Variants in COL4A3 observed in about 807,000 individuals in gnomAD.
The protein encoded by COL4A3 is collagen alpha-3(IV) chain.
COL4A3 carries 135 observed loss-of-function variants against 217.4 expected under a neutral mutation model. The observed-to-expected ratio is 0.62, with a 90% CI of 0.54 to 0.72. The LOEUF is 0.72. Ranked by LOEUF, COL4A3 falls within the 30% of genes least tolerant of loss-of-function variation. The probability of loss-of-function intolerance (pLI) is 0.00; values close to 1 mark genes in which losing one functional copy is unlikely to be tolerated. For missense variants in COL4A3, 1,868 were observed against 2,119.9 expected, an observed-to-expected ratio of 0.88 and a Z score of 2.33; for synonymous variants, 690 against 736.3, an observed-to-expected ratio of 0.94 and a Z score of 1.02.
At chr2:227,270,686 A>C (rs1361217105) in intron 24 of COL4A3, 84 bp from the exon 25 acceptor site, 2 of 1,349,358 alleles carry the variant, frequency 1.5e-6, no homozygotes, top group African/African-American at 2.9e-5. Flanking sequence ...AAAATTGAAA[A>C]GTTCTTGTCC....
At chr2:227,175,572 T>C (rs1350256929) in intron 1 of COL4A3, among the ~76,000 whole-genome samples, 1 of 152,162 alleles carries the variant, frequency 6.6e-6, no homozygotes, top group East Asian at 1.9e-4. Context: ...CAAAGGGAAT[T>C]CCTGGCCCTG....
At chr2:227,256,637 G>A in intron 17 of COL4A3, 1 of 690,558 alleles carries the variant, frequency 1.4e-6, no homozygotes, top group Non-Finnish European at 2.7e-6. Flanking sequence ...CTTAGGACCA[G>A]TGAGAGTGCA....
Position 227,290,101 on chromosome 2 carries a change from G to T in COL4A3, c.3070+13G>T. 1.9e-6 allele frequency: 3 copies of T among 1,611,378 alleles called. No homozygotes were observed. Among genetic ancestry groups the T allele is most frequent in the Non-Finnish European group, 2.5e-6 (3 of 1,177,518 alleles). On this transcript the variant is annotated intron_variant, in intron 36 of 51. Coordinates refer to ENST00000396578, the MANE Select transcript of COL4A3 (RefSeq NM_000091.5). ...ATGGGCATGCCAGGTAATGCATAAG[G>T]TCCTGTTATGAGCCCACAAGCTCAT...
chr2:227,203,970 T>A (rs1031646528), intron 1 of COL4A3, among the ~76,000 whole-genome samples: 1 of 152,058 alleles, frequency 6.6e-6, no homozygotes, highest in Non-Finnish European at 1.5e-5. Flanking sequence ...TACCAGGGCT[T>A]AATAAATATT....
intron 37 of COL4A3, 44 bp from the exon 38 acceptor site, chr2:227,293,147 T>G (rs2072851935): frequency 6.2e-7 from 1 of 1,612,530 alleles, no homozygotes; most frequent in Non-Finnish European, 8.5e-7. Context: ...TTACCACATA[T>G]CCTGCTTATA....
Position 227,254,191 on chromosome 2 carries a change from T to C in COL4A3, c.828+17T>C, listed in dbSNP as rs759818668. The C allele has an allele frequency of 1.2e-6, 2 of 1,607,926 alleles. No homozygotes were observed. The highest frequency in any genetic ancestry group is 1.7e-6 in the Non-Finnish European group (2 of 1,174,728). On this transcript the variant is annotated intron_variant, in intron 14 of 51. Coordinates refer to ENST00000396578, the MANE Select transcript of COL4A3 (RefSeq NM_000091.5). ...GGACCCTCAGTAGGTTATTTAAAGT[T>C]ATATTGTCCCCATAACACATAAAGT... is the stretch of plus-strand genomic sequence containing the variant.
Position 227,273,073 on chromosome 2 carries a change from G to A in COL4A3, c.1883G>A (p.Gly628Asp), listed in dbSNP as rs2125996545. 2 of 1,614,048 alleles carry A rather than the reference G, an allele frequency of 1.2e-6. No individual in the cohort carries two copies. Among genetic ancestry groups the A allele is most frequent in the East Asian group, 2.2e-5 (1 of 44,858 alleles). The change falls in exon 26 of 52, where the codon GGC becomes GAC. Residue 628 changes from glycine to aspartate, a missense_variant. Physicochemically the swap from Gly to Asp is moderately conservative, Grantham distance 94. Coordinates refer to ENST00000396578, the MANE Select transcript of COL4A3 (RefSeq NM_000091.5). ...YGPQGEPGLQ[G>D]TQGVPGAPGP... is the part of the protein sequence containing the mutation. ...CCCCAAGGAGAACCTGGTCTCCAGGGCACGCAAGGAGTTCCTGGAGCCCCC... is the reference window on the plus strand; with the variant it reads ...CCCCAAGGAGAACCTGGTCTCCAGGACACGCAAGGAGTTCCTGGAGCCCCC...
intron 2 of COL4A3, among the ~76,000 whole-genome samples, chr2:227,239,452 G>A (rs932064227): frequency 6.6e-6 from 1 of 152,132 alleles, no homozygotes; most frequent in Non-Finnish European, 1.5e-5. Flanking sequence ...AGGGACAAAC[G>A]TAATTCCAAG....
At chr2:227,223,567 C>A (rs942772465) in intron 1 of COL4A3, among the ~76,000 whole-genome samples, 7 of 96,660 alleles carry the variant, frequency 7.2e-5, no homozygotes, top group African/African-American at 1.9e-4. Flanking sequence ...GACGCCCCCC[C>A]AACTCTACTA....
rs547566303 is a variant in COL4A3 at position 227,226,034 on chromosome 2, G to A, written c.88-11934G>A. On this transcript the variant is annotated intron_variant, in intron 1 of 51. Transcript: ENST00000396578. The stretch of plus-strand genomic sequence containing the variant: ...GCCAGGAACATATTTTATTCTGTGG[G>A]CATTTTACTTGCTTTATGGTATCTT... Among the ~76,000 whole-genome samples, 10 of 152,158 alleles carry A rather than the reference G, an allele frequency of 6.6e-5. No individual in the cohort carries two copies. In the East Asian group the frequency reaches 1.5e-3, roughly 24 times the overall value.
chr2:227,240,035 A>T (rs1574657902), intron 2 of COL4A3, 108 bp from the exon 3 acceptor site: 1 of 1,015,892 alleles, frequency 9.8e-7, no homozygotes, highest in African/African-American at 1.6e-5. Context: ...AAAAACATGC[A>T]AAGAGTCACC....
intron 6 of COL4A3, 162 bp downstream of exon 6, chr2:227,246,178 T>A (rs2069327718): frequency 1.3e-5 from 9 of 685,446 alleles, no homozygotes. Context: ...TTTTCTTTCT[T>A]CGCATTCCTT....
At chr2:227,256,129 A>C in intron 16 of COL4A3, 59 bp downstream of exon 16, 4 of 1,520,132 alleles carry the variant, frequency 2.6e-6, no homozygotes, top group Non-Finnish European at 3.7e-6. Context: ...TAGCTGAAGA[A>C]GGATTTTTTA....
chr2:227,240,391 G>A (rs145523403), intron 3 of COL4A3, among the ~76,000 whole-genome samples, 159 bp downstream of exon 3: 132 of 152,268 alleles, frequency 8.7e-4, no homozygotes, highest in African/African-American at 2.9e-3. Context: ...ACATAGAACC[G>A]CAACCTGCTC....
intron 1 of COL4A3, among the ~76,000 whole-genome samples, chr2:227,177,147 C>CTTT (rs200452419): frequency 2.9e-5 from 4 of 137,750 alleles, no homozygotes; most frequent in Non-Finnish European, 3.2e-5. Context: ...TTTTTCTTTC[C>CTTT]TTTTTTTTTT....
chr2:227,184,004 GC>G (rs1559801645), intron 1 of COL4A3, among the ~76,000 whole-genome samples: 3 of 152,080 alleles, frequency 2.0e-5, no homozygotes, highest in African/African-American at 7.2e-5. Context: ...TCTATGTGCT[GC>G]CCCCATGTCA....
Position 227,191,282 on chromosome 2 carries a change from G to A in COL4A3, c.87+26469G>A, listed in dbSNP as rs570310046. Among the ~76,000 whole-genome samples the A allele has an allele frequency of 5.3e-5, 8 of 151,904 alleles. No individual in the cohort carries two copies. The South Asian group carries it at 1.7e-3, about 32-fold the overall frequency. On this transcript the variant is annotated intron_variant, in intron 1 of 51. Transcript: ENST00000396578. The surrounding 1 kb of genome is among the most constrained non-coding windows in gnomAD (Gnocchi z 6.8). ...ATTCCTCGTACACATTCCCAGAAAT[G>A]GATTTTTTTTTTGTAAAGGACGCAA...
At chr2:227,188,018 C>A (rs887838979) in intron 1 of COL4A3, among the ~76,000 whole-genome samples, 1 of 152,130 alleles carries the variant, frequency 6.6e-6, no homozygotes, top group African/African-American at 2.4e-5. Flanking sequence ...TTATAACAAA[C>A]AAACAGCAGC....
intron 23 of COL4A3, among the ~76,000 whole-genome samples, chr2:227,269,523 T>TA (rs1351042426): frequency 1.3e-5 from 2 of 152,212 alleles, no homozygotes; most frequent in Admixed American, 6.5e-5. Flanking sequence ...CTTATGGATA[T>TA]AAAAAATGTA....
Sources: gnomAD v4.1 joint callset for allele counts (sites outside exome capture counted in the v4.1 genomes callset) on GRCh38, gnomAD v4.1.1 for gene constraint, Gnocchi (gnomAD v3.1) non-coding constraint, MANE v1.5 for transcripts, NCBI Gene and HGNC (gene_info 2026-07-23, HGNC 2026-07-21) for gene names.